GLIS1: variants seen among roughly 807,000 people sequenced by gnomAD.
The protein encoded by GLIS1 is zinc finger protein GLIS1.
A neutral mutation model predicts 63.8 loss-of-function variants in GLIS1; 24 were observed. That is an observed-to-expected ratio of 0.38 (90% CI 0.27 to 0.53). The LOEUF (loss-of-function observed/expected upper bound fraction) is 0.53, where lower values mean the gene tolerates loss of function less well. GLIS1 is among the 20% of genes least tolerant of loss of function. GLIS1 has a pLI of 0.85. For missense variants in GLIS1, 1,036 were observed against 1,074.1 expected, an observed-to-expected ratio of 0.96 and a Z score of 0.50; for synonymous variants, 450 against 482.5, an observed-to-expected ratio of 0.93 and a Z score of 0.88.
chr1:53,699,499 C>T (rs1358299226), intron 2 of GLIS1, among the ~76,000 whole-genome samples: 3 of 152,216 alleles, frequency 2.0e-5, no homozygotes, highest in Admixed American at 6.5e-5. Context: ...ATTATACTGA[C>T]CAGTTGAGCA....
At chr1:53,581,115 T>C (rs904582834) in intron 4 of GLIS1, among the ~76,000 whole-genome samples, 1 of 152,210 alleles carries the variant, frequency 6.6e-6, no homozygotes, top group Non-Finnish European at 1.5e-5. Context: ...GAATCTGACA[T>C]TCCAGGAGCT....
intron 2 of GLIS1, among the ~76,000 whole-genome samples, chr1:53,732,702 T>C (rs1268527989): frequency 1.3e-5 from 2 of 152,090 alleles, no homozygotes; most frequent in Admixed American, 1.3e-4. Flanking sequence ...CCCCTTGAAC[T>C]GAATGTCTTT....
At chr1:53,678,280 C>A (rs193062836) in intron 2 of GLIS1, among the ~76,000 whole-genome samples, 9 of 127,586 alleles carry the variant, frequency 7.1e-5, no homozygotes, top group African/African-American at 2.7e-4. Flanking sequence ...AACCTCTCTG[C>A]GGATTTGAGC....
At chr1:53,668,740 C>T (rs938531974) in intron 2 of GLIS1, among the ~76,000 whole-genome samples, 2 of 152,150 alleles carry the variant, frequency 1.3e-5, no homozygotes, top group Non-Finnish European at 2.9e-5. Flanking sequence ...CAGTACCATG[C>T]TGTATAGGTT....
intron 7 of GLIS1, among the ~76,000 whole-genome samples, chr1:53,518,742 C>T (rs1447036448): frequency 6.6e-6 from 1 of 152,182 alleles, no homozygotes; most frequent in Admixed American, 6.5e-5. Flanking sequence ...GGTTTCACAT[C>T]CTACTGCACA....
At chr1:53,726,085 C>T (rs1406111421) in intron 2 of GLIS1, among the ~76,000 whole-genome samples, 1 of 152,170 alleles carries the variant, frequency 6.6e-6, no homozygotes, top group African/African-American at 2.4e-5. Flanking sequence ...CTGACTCTTT[C>T]ATGAGAGATA....
chr1:53,733,439 G>A (rs1026570281), intron 2 of GLIS1, among the ~76,000 whole-genome samples: 2 of 152,202 alleles, frequency 1.3e-5, no homozygotes, highest in Non-Finnish European at 2.9e-5. Context: ...GTCCAGCTAA[G>A]CACGCTACAG....
At chr1:53,729,070 T>C (rs1252327638) in intron 2 of GLIS1, among the ~76,000 whole-genome samples, 3 of 152,260 alleles carry the variant, frequency 2.0e-5, no homozygotes, top group Non-Finnish European at 4.4e-5. Flanking sequence ...ATTAGGTATA[T>C]TCTGCTTCAA....
At chr1:53,613,468 T>C (rs186898973) in intron 2 of GLIS1, among the ~76,000 whole-genome samples, 11 of 152,314 alleles carry the variant, frequency 7.2e-5, no homozygotes, top group African/African-American at 2.4e-4. Context: ...AGATAGCCTA[T>C]ATATCCAATA....
At chr1:53,698,544 A>G (rs1646490309) in intron 2 of GLIS1, among the ~76,000 whole-genome samples, 1 of 152,214 alleles carries the variant, frequency 6.6e-6, no homozygotes, top group South Asian at 2.1e-4. Flanking sequence ...GCTTGTGGGC[A>G]CTGGCCCCAT....
At chr1:53,733,063 T>C (rs2100578374) in intron 2 of GLIS1, among the ~76,000 whole-genome samples, 1 of 152,332 alleles carries the variant, frequency 6.6e-6, no homozygotes, top group East Asian at 1.9e-4. Context: ...TTCTCCCCTC[T>C]TCCAGGATAC....
At chr1:53,524,937 A>T in intron 5 of GLIS1, 50 bp from the exon 6 acceptor site, 1 of 1,370,674 alleles carries the variant, frequency 7.3e-7, no homozygotes, top group African/African-American at 1.4e-5. Flanking sequence ...TCCCTACGGG[A>T]CACGCGCCTC....
intron 10 of GLIS1, among the ~76,000 whole-genome samples, chr1:53,508,159 T>TA (rs61343746): frequency 0.65 from 98,084 of 152,028 alleles, 32,603 homozygotes; most frequent in African/African-American, 0.79. Context: ...CCTGGGGTAA[T>TA]ACATGTGCAG....
intron 4 of GLIS1, among the ~76,000 whole-genome samples, chr1:53,584,492 C>T (rs1016488492): frequency 4.6e-5 from 7 of 152,230 alleles, no homozygotes; most frequent in Non-Finnish European, 1.0e-4. Flanking sequence ...CCTTCTCCCT[C>T]CTCTGTGTCA....
At chr1:53,559,050 G>T (rs1398319131) in intron 4 of GLIS1, among the ~76,000 whole-genome samples, 1 of 152,252 alleles carries the variant, frequency 6.6e-6, no homozygotes, top group African/African-American at 2.4e-5. Context: ...ATGAGTGTTT[G>T]TGGTAGCAGA....
intron 2 of GLIS1, among the ~76,000 whole-genome samples, chr1:53,654,634 G>A (rs12733756): frequency 0.44 from 66,168 of 152,084 alleles, 16,845 homozygotes; most frequent in Non-Finnish European, 0.55. Flanking sequence ...GGGGAAACTC[G>A]GAGAGCGCAG....
chr1:53,627,952 T>G (rs1186056313), intron 2 of GLIS1, among the ~76,000 whole-genome samples: 1 of 152,236 alleles, frequency 6.6e-6, no homozygotes, highest in African/African-American at 2.4e-5. Context: ...CTGTGTCTCT[T>G]GACTCTAAAG....
At chr1:53,585,269 C>T (rs1050482360) in intron 4 of GLIS1, among the ~76,000 whole-genome samples, 2 of 151,930 alleles carry the variant, frequency 1.3e-5, no homozygotes, top group Non-Finnish European at 2.9e-5. Context: ...ATCTAATATG[C>T]GCCAGGCACG....
intron 2 of GLIS1, among the ~76,000 whole-genome samples, chr1:53,672,957 A>C (rs893990214): frequency 6.6e-6 from 1 of 152,178 alleles, no homozygotes; most frequent in South Asian, 2.1e-4. Flanking sequence ...GCCCTCCCCT[A>C]GGCCCAACAT....
Sources: gnomAD v4.1 joint callset for allele counts (sites outside exome capture counted in the v4.1 genomes callset) on GRCh38, gnomAD v4.1.1 for gene constraint, MANE v1.5 for transcripts, NCBI Gene and HGNC (gene_info 2026-07-23, HGNC 2026-07-21) for gene names.